CDH13: variants seen among roughly 807,000 people sequenced by gnomAD.
CDH13 encodes the protein cadherin-13.
Under a neutral mutation model 63.8 loss-of-function variants are expected in CDH13, and 24 were observed. The observed-to-expected ratio is 0.38, with a 90% CI of 0.27 to 0.53. The LOEUF (loss-of-function observed/expected upper bound fraction) is 0.53. Among genes scored for constraint, CDH13 ranks in the 20% least tolerant of loss-of-function variants. The pLI is 0.85. For synonymous variants in CDH13, 503 were observed against 355.3 expected, an observed-to-expected ratio of 1.42 and a Z score of -4.67; for missense variants, 1,049 against 903.1, an observed-to-expected ratio of 1.16 and a Z score of -2.07.
At chr16:83,464,222 G>C (rs1341607712) in intron 6 of CDH13, among the ~76,000 whole-genome samples, 3 of 152,042 alleles carry the variant, frequency 2.0e-5, no homozygotes, top group African/African-American at 4.8e-5. Flanking sequence ...ACTATGTCCG[G>C]CTAAATTTTG....
At chr16:83,087,616 C>G (rs1160931593) in intron 3 of CDH13, among the ~76,000 whole-genome samples, 1 of 120,934 alleles carries the variant, frequency 8.3e-6, no homozygotes, top group African/African-American at 3.0e-5. Context: ...CACAGCGAGC[C>G]AAAACCGTGT....
chr16:82,912,181 G>A (rs2041851999), intron 2 of CDH13, among the ~76,000 whole-genome samples: 1 of 151,662 alleles, frequency 6.6e-6, no homozygotes, highest in African/African-American at 2.4e-5. Flanking sequence ...CCCTCTTCTT[G>A]TCTGTGTCCT....
At chr16:82,853,993 G>C (rs1054553624) in intron 1 of CDH13, among the ~76,000 whole-genome samples, 2 of 152,164 alleles carry the variant, frequency 1.3e-5, no homozygotes, top group Non-Finnish European at 2.9e-5. Flanking sequence ...CAGCAATGAG[G>C]GGTGCTGCTT....
At chr16:82,730,842 A>G (rs574008890) in intron 1 of CDH13, among the ~76,000 whole-genome samples, 22 of 152,214 alleles carry the variant, frequency 1.4e-4, no homozygotes, top group Non-Finnish European at 5.9e-5. Context: ...TTACATTTTC[A>G]TGAATTTTTC....
chr16:83,014,755 T>A (rs1156481006), intron 2 of CDH13, among the ~76,000 whole-genome samples: 3,262 of 42,378 alleles, frequency 0.077, 93 homozygotes, highest in East Asian at 0.13. Context: ...TATATATATA[T>A]ATATATATAT....
intron 3 of CDH13, among the ~76,000 whole-genome samples, chr16:83,123,540 A>C (rs1316184176): frequency 6.6e-6 from 1 of 152,146 alleles, no homozygotes; most frequent in Non-Finnish European, 1.5e-5. Flanking sequence ...CAGCCTCCCA[A>C]AGGGCTGGGA....
intron 7 of CDH13, among the ~76,000 whole-genome samples, chr16:83,589,035 G>T (rs1412133334): frequency 6.6e-6 from 1 of 152,190 alleles, no homozygotes; most frequent in African/African-American, 2.4e-5. Flanking sequence ...AGAGCTAGAA[G>T]TCAGAAGTCC....
chr16:82,845,739 A>G (rs4782734), intron 1 of CDH13, among the ~76,000 whole-genome samples: 1 of 151,946 alleles, frequency 6.6e-6, no homozygotes, highest in African/African-American at 2.4e-5. Flanking sequence ...CAGGTATTAT[A>G]TGGCATTCGA....
chr16:82,843,030 A>G (rs1286438820), intron 1 of CDH13, among the ~76,000 whole-genome samples: 2 of 152,174 alleles, frequency 1.3e-5, no homozygotes, highest in Non-Finnish European at 2.9e-5. Flanking sequence ...ACCTCTTGCT[A>G]TGTGGTCCGG....
At chr16:82,746,298 T>C (rs572715663) in intron 1 of CDH13, among the ~76,000 whole-genome samples, 1 of 125,908 alleles carries the variant, frequency 7.9e-6, no homozygotes, top group Non-Finnish European at 1.8e-5. Flanking sequence ...GATGCATGTA[T>C]ATATACATAT....
intron 7 of CDH13, among the ~76,000 whole-genome samples, chr16:83,592,142 A>G (rs1406743534): frequency 6.6e-6 from 1 of 152,060 alleles, no homozygotes; most frequent in Non-Finnish European, 1.5e-5. Flanking sequence ...CTCCCACGGG[A>G]CTTGATTCCT....
chr16:83,324,126 C>T (rs1302103558), intron 5 of CDH13, among the ~76,000 whole-genome samples: 2 of 151,924 alleles, frequency 1.3e-5, no homozygotes, highest in African/African-American at 2.4e-5. Flanking sequence ...CAACCTCCAC[C>T]TCCCAGGTTC....
At chr16:82,864,933 T>C (rs2040073241) in intron 2 of CDH13, among the ~76,000 whole-genome samples, 1 of 152,096 alleles carries the variant, frequency 6.6e-6, no homozygotes. Flanking sequence ...ATTGGGTAAA[T>C]ACACTCACTC....
At chr16:83,255,112 C>T (rs922783483) in intron 5 of CDH13, among the ~76,000 whole-genome samples, 18 of 152,180 alleles carry the variant, frequency 1.2e-4, no homozygotes, top group African/African-American at 4.3e-4. Context: ...CACAAAACCT[C>T]TGCTATTATT....
intron 3 of CDH13, among the ~76,000 whole-genome samples, chr16:83,059,789 G>GTTTTTTTTTT (rs1256608391): frequency 2.0e-5 from 2 of 98,754 alleles, no homozygotes; most frequent in Admixed American, 1.2e-4. Flanking sequence ...TTTTTTTTTT[G>GTTTTTTTTTT]TTTGTTTTTT....
intron 12 of CDH13, among the ~76,000 whole-genome samples, chr16:83,782,092 C>G (rs1286299211): frequency 6.6e-6 from 1 of 152,016 alleles, no homozygotes; most frequent in Non-Finnish European, 1.5e-5. Flanking sequence ...TTTTTATTTC[C>G]CTGTCATTAC....
chr16:83,546,012 T>C (rs1432756376), intron 7 of CDH13, among the ~76,000 whole-genome samples: 1 of 152,158 alleles, frequency 6.6e-6, no homozygotes. Context: ...AAACATAAGC[T>C]AATACTTAAG....
intron 4 of CDH13, among the ~76,000 whole-genome samples, chr16:83,150,321 A>G (rs967270146): frequency 6.6e-6 from 1 of 152,130 alleles, no homozygotes; most frequent in Non-Finnish European, 1.5e-5. Context: ...TCTCATGTCT[A>G]TGTCTATGCC....
chr16:83,634,081 G>C (rs937286994), intron 8 of CDH13, among the ~76,000 whole-genome samples: 3 of 151,386 alleles, frequency 2.0e-5, no homozygotes, highest in Non-Finnish European at 4.4e-5. Flanking sequence ...CTATTAACCA[G>C]ACCTCACGAA....
Sources: allele counts gnomAD v4.1 joint callset (sites outside exome capture counted in the v4.1 genomes callset), GRCh38; gene constraint gnomAD v4.1.1; transcripts MANE v1.5; gene names NCBI Gene and HGNC (gene_info 2026-07-23, HGNC 2026-07-21).